Variants in TRIOBP observed in about 807,000 individuals in gnomAD.
TRIOBP encodes the protein TRIO and F-actin binding protein, also known as TRIO and F-actin-binding protein.
A neutral mutation model predicts 238.8 loss-of-function variants in TRIOBP; 169 were observed. The ratio of observed to expected loss-of-function variants is 0.71; its 90% confidence interval spans 0.62 to 0.80. TRIOBP has a LOEUF of 0.80. TRIOBP is among the 30% of genes least tolerant of loss of function. TRIOBP has a pLI of 0.00. For missense variants in TRIOBP, 2,838 were observed against 3,122.6 expected (o/e 0.91, Z 2.17); for synonymous variants, 1,150 against 1,274.4 (o/e 0.90, Z 2.08).
intron 8 of TRIOBP, 21 bp from the exon 9 acceptor site, chr22:37,734,377 TA>T: frequency 1.1e-5 from 18 of 1,608,010 alleles, no homozygotes; most frequent in Non-Finnish European, 1.5e-5. Flanking sequence ...GAGCCTCACC[TA>T]CCCCCTCACC....
chr22:37,726,431 A>C lies in TRIOBP; in HGVS notation c.3875A>C (p.Gln1292Pro). The C allele has an allele frequency of 6.3e-7, 1 of 1,585,326 alleles. No individual in the cohort carries two copies. The highest frequency in any genetic ancestry group is 8.6e-7 in the Non-Finnish European group (1 of 1,167,306). The change falls in exon 7 of 24, where the codon CAG becomes CCG. Residue 1292 changes from glutamine (Q) to proline (P), a missense_variant. By Grantham distance (76) the Gln-to-Pro change is moderately conservative. Around this residue, in one of 5 missense-constraint regions of TRIOBP, gnomAD observed 2,096 missense variants for 2,137.4 expected, o/e 0.98. Transcript: ENST00000644935. Reference protein sequence around the residue: ...LAQRQPGPQAQCSSGGRTHSP... With the variant: ...LAQRQPGPQAPCSSGGRTHSP... Reference sequence around the variant, plus strand: ...CAGAGACAGCCAGGGCCCCAGGCGCAGTGCAGCAGCGGGGGCCGCACCCAC... The same window carrying C: ...CAGAGACAGCCAGGGCCCCAGGCGCCGTGCAGCAGCGGGGGCCGCACCCAC...
rs779737232 is a variant in TRIOBP, at chr22:37,713,374, C to G, written c.419C>G (p.Ser140Cys). ...PGSDPTSSPDSATPDDTSNSS... is the reference protein window; with the variant it reads ...PGSDPTSSPDCATPDDTSNSS... ...TCTGACCCCACCTCCAGCCCTGACT[C>G]CGCCACCCCTGATGATACCAGCAAC... The change falls in exon 5 of 24, where the codon TCC becomes TGC. Residue 140 changes from serine (S) to cysteine (C), a missense_variant. By Grantham distance (112) the Ser-to-Cys change is moderately radical. Around this residue, in one of 5 missense-constraint regions of TRIOBP, gnomAD observed 535 missense variants for 537.3 expected, o/e 1.00. Coordinates refer to ENST00000644935, the MANE Select transcript of TRIOBP (RefSeq NM_001039141.3). The G allele has an allele frequency of 1.2e-6, 2 of 1,613,868 alleles. No individual in the cohort carries two copies. Among genetic ancestry groups the G allele is most frequent in the Non-Finnish European group, 1.7e-6 (2 of 1,180,000 alleles).
At chr22:37,764,559 T>A (rs1166487604) in intron 17 of TRIOBP, among the ~76,000 whole-genome samples, 1 of 152,236 alleles carries the variant, frequency 6.6e-6, no homozygotes, top group African/African-American at 2.4e-5. Flanking sequence ...GGGAATACCC[T>A]TGTTCCAAAA....
intron 3 of TRIOBP, among the ~76,000 whole-genome samples, chr22:37,702,549 C>T (rs1186338224): frequency 6.6e-6 from 1 of 150,770 alleles, no homozygotes; most frequent in Non-Finnish European, 1.5e-5. Context: ...ATCCTGCTGT[C>T]TCTTTGTCAA....
At chr22:37,765,554 TG>T in intron 17 of TRIOBP, 115 bp from the exon 18 acceptor site, 1 of 1,405,244 alleles carries the variant, frequency 7.1e-7, no homozygotes, top group Non-Finnish European at 9.7e-7. Flanking sequence ...CTGGAGGTGC[TG>T]GGACCCAGGA....
rs756145453 is a variant in TRIOBP, at chr22:37,734,765, T to TG, written c.4436dup (p.Thr1480HisfsTer22). 1.3e-5 allele frequency: 21 copies of TG among 1,610,678 alleles called. No homozygotes were observed. Among genetic ancestry groups the TG allele is most frequent in the African/African-American group, 5.4e-5 (4 of 74,404 alleles). ...GGCAGCCAAAGCCCCGGAGGGAGCA[T>TG]GGGGGGGCACTTCCAGGGAGTACAA... On this transcript the variant is annotated frameshift_variant, in exon 9 of 24. Transcript: ENST00000644935. LOFTEE classifies it high-confidence loss of function.
intron 11 of TRIOBP, among the ~76,000 whole-genome samples, chr22:37,744,325 CTCTT>C (rs1925111352): frequency 6.6e-6 from 1 of 152,070 alleles, no homozygotes; most frequent in Non-Finnish European, 1.5e-5. Context: ...TGCTGTGCAT[CTCTT>C]TATTTACTTA....
At position 37,715,752 on chromosome 22, in the gene TRIOBP, T is replaced by A; in HGVS notation, c.457-11T>A. ...CCCGCAAACATACTTTCTCCTCCCC[T>A]TCTCTGGCAGGACTGGGACACTGTT... On this transcript the variant is annotated splice_polypyrimidine_tract_variant and intron_variant, in intron 5 of 23. Coordinates refer to ENST00000644935, the MANE Select transcript of TRIOBP (RefSeq NM_001039141.3). 6.2e-7 allele frequency: 1 copy of A among 1,613,696 alleles called. No individual in the cohort carries two copies. Among genetic ancestry groups the A allele is most frequent in the Non-Finnish European group, 8.5e-7 (1 of 1,179,934 alleles).
At chr22:37,721,821 T>C (rs1037559088) in intron 6 of TRIOBP, among the ~76,000 whole-genome samples, 1 of 152,164 alleles carries the variant, frequency 6.6e-6, no homozygotes, top group Non-Finnish European at 1.5e-5. Flanking sequence ...CCCTTTACTC[T>C]TCACCTAAAG....
chr22:37,748,915 T>C (rs536212970), intron 11 of TRIOBP, among the ~76,000 whole-genome samples: 1 of 152,082 alleles, frequency 6.6e-6, no homozygotes, highest in African/African-American at 2.4e-5. Context: ...ATGGCACATA[T>C]GAAGGGCCCG....
intron 5 of TRIOBP, among the ~76,000 whole-genome samples, chr22:37,714,443 C>T (rs4820299): frequency 0.54 from 81,700 of 151,940 alleles, 22,668 homozygotes; most frequent in East Asian, 0.7. Context: ...CCAAGGTGGG[C>T]GGATCACCTG....
chr22:37,739,719 G>A (rs1054976196), intron 10 of TRIOBP, among the ~76,000 whole-genome samples: 6 of 152,180 alleles, frequency 3.9e-5, no homozygotes, highest in African/African-American at 1.2e-4. Flanking sequence ...TGGAATGGGC[G>A]GGGACAGGGG....
chr22:37,738,744 C>T, intron 10 of TRIOBP, 25 bp downstream of exon 10: 1 of 1,612,096 alleles, frequency 6.2e-7, no homozygotes, highest in South Asian at 1.1e-5. Context: ...GGTGTGGGTA[C>T]ATACGGTGGG....
intron 4 of TRIOBP, among the ~76,000 whole-genome samples, 193 bp from the exon 5 acceptor site, chr22:37,713,017 A>AGGG (rs1360844386): frequency 6.6e-6 from 1 of 151,714 alleles, no homozygotes; most frequent in African/African-American, 2.4e-5. Context: ...ACAAAAAAAA[A>AGGG]AGGGATGCTG....
At chr22:37,737,117 G>A (rs1240322907) in intron 9 of TRIOBP, among the ~76,000 whole-genome samples, 1 of 152,174 alleles carries the variant, frequency 6.6e-6, no homozygotes, top group Non-Finnish European at 1.5e-5. Flanking sequence ...TGTTAGGAAG[G>A]CACACAGACA....
chr22:37,725,320 T>C lies in TRIOBP; in HGVS notation c.2764T>C (p.Ser922Pro). 5 of 1,613,690 alleles carry C rather than the reference T, an allele frequency of 3.1e-6. No individual in the cohort carries two copies. The highest frequency in any genetic ancestry group is 4.2e-6 in the Non-Finnish European group (5 of 1,179,922). Reference protein sequence around the residue: ...RPTQSDGPRTSSPSRSKQSEV... With the variant: ...RPTQSDGPRTPSPSRSKQSEV... ...AACTCAGAGTGATGGTCCCCGAACC[T>C]CTTCCCCATCTCGCTCCAAGCAAAG... is the stretch of plus-strand genomic sequence containing the variant. Residue 922 changes from serine to proline, a missense_variant, in exon 7 of 24, where the codon TCT becomes CCT. Transcript: ENST00000644935.
Position 37,774,332 on chromosome 22 carries a change from C to G in TRIOBP, c.*552C>G, listed in dbSNP as rs1926939126. 6.6e-6 allele frequency: 1 copy of G among 152,316 alleles called. No individual in the cohort carries two copies. The highest frequency in any genetic ancestry group is 2.1e-4 in the South Asian group (1 of 4,836). 9.4% of individuals were successfully genotyped at this position (152,316 alleles called of 1,614,324 possible). A position where few individuals can be genotyped will look rare whatever the true frequency, so the allele number is the denominator to read the frequency against. ...CTTCCTGCCCTACCTCCTACTAACA[C>G]TTCCTGCCCCATTTGGACCCGTACC... is the stretch of plus-strand genomic sequence containing the variant. On this transcript the variant is annotated 3_prime_UTR_variant, in exon 24 of 24. Coordinates refer to ENST00000644935, the MANE Select transcript of TRIOBP (RefSeq NM_001039141.3).
chr22:37,721,683 G>A (rs778770640), intron 6 of TRIOBP, among the ~76,000 whole-genome samples: 6 of 152,124 alleles, frequency 3.9e-5, no homozygotes, highest in Non-Finnish European at 8.8e-5. Context: ...GTCTCGCCAT[G>A]TTGCCTAGGC....
chr22:37,769,585 C>T (rs560363403), intron 21 of TRIOBP, among the ~76,000 whole-genome samples: 3 of 152,226 alleles, frequency 2.0e-5, no homozygotes, highest in South Asian at 4.1e-4. Context: ...CTGCCGTGTA[C>T]CATAGCAAAT....
Sources: gnomAD v4.1 joint callset for allele counts (sites outside exome capture counted in the v4.1 genomes callset) on GRCh38, gnomAD v4.1.1 for gene constraint, gnomAD v4.1.1 regional missense constraint, MANE v1.5 for transcripts, NCBI Gene and HGNC (gene_info 2026-07-23, HGNC 2026-07-21) for gene names.